C8orf89: variants seen among roughly 807,000 people sequenced by gnomAD.
The protein encoded by C8orf89 is putative uncharacterized protein C8orf89.
A neutral mutation model predicts 15.8 loss-of-function variants in C8orf89; 14 were observed. The observed-to-expected ratio is 0.89, with a 90% CI of 0.59 to 1.39. The LOEUF is 1.39. Ranked by LOEUF, C8orf89 falls within the 40% of genes most tolerant of loss-of-function variation. The pLI is 0.00. For synonymous variants in C8orf89, 55 were observed against 62.2 expected (o/e 0.88, Z 0.54); for missense variants, 181 against 184.5 (o/e 0.98, Z 0.11).
At chr8:73,279,333 T>A in the C8orf89 span, among the ~76,000 whole-genome samples, 2 of 152,198 alleles carry the variant, frequency 1.3e-5, no homozygotes, top group Admixed American at 1.3e-4. Flanking sequence ...TGGCCCTGGG[T>A]GTCAGAGGTA....
the C8orf89 span, among the ~76,000 whole-genome samples, chr8:73,280,604 C>T: frequency 2.6e-4 from 40 of 152,046 alleles, no homozygotes; most frequent in Non-Finnish European, 4.7e-4. Context: ...GAACTCCTGA[C>T]CTCAGGTAAT....
At chr8:73,263,987 C>G (rs760290472), upstream of C8orf89, among the ~76,000 whole-genome samples, 7 of 152,044 alleles carry the variant, frequency 4.6e-5, no homozygotes, top group Admixed American at 1.3e-4. Context: ...TGTTTAAAGA[C>G]ATCTTATTTA....
the C8orf89 span, among the ~76,000 whole-genome samples, chr8:73,276,897 C>T: frequency 6.8e-6 from 1 of 146,848 alleles, no homozygotes; most frequent in East Asian, 2.1e-4. Context: ...ACCTCCACCT[C>T]CCAGGTTCAA....
the C8orf89 span, among the ~76,000 whole-genome samples, chr8:73,282,325 T>C: frequency 6.6e-6 from 1 of 152,186 alleles, no homozygotes; most frequent in Non-Finnish European, 1.5e-5. Flanking sequence ...TTAGGAGATA[T>C]ATAAAGTAGT....
chr8:73,243,366 C>A (rs1230242753), intron 3 of C8orf89, among the ~76,000 whole-genome samples: 1 of 152,106 alleles, frequency 6.6e-6, no homozygotes, highest in Non-Finnish European at 1.5e-5. Flanking sequence ...ATACTCCATT[C>A]ACGTGAATGT....
At chr8:73,248,623 T>G (rs995663021) in intron 3 of C8orf89, among the ~76,000 whole-genome samples, 1 of 152,190 alleles carries the variant, frequency 6.6e-6, no homozygotes. Flanking sequence ...ATTTGAGCAG[T>G]GTTTTGTAGT....
the C8orf89 span, among the ~76,000 whole-genome samples, chr8:73,264,721 C>T: frequency 7.2e-5 from 11 of 152,244 alleles, no homozygotes; most frequent in Admixed American, 5.9e-4. Flanking sequence ...AAACTCCTGA[C>T]CTCAAGTGAT....
the C8orf89 span, among the ~76,000 whole-genome samples, chr8:73,270,012 T>C: frequency 2.0e-5 from 3 of 152,232 alleles, no homozygotes; most frequent in East Asian, 1.9e-4. Flanking sequence ...AGTATGTTAA[T>C]GGGGAAAGTT....
chr8:73,243,849 T>C (rs1444286736), intron 3 of C8orf89, among the ~76,000 whole-genome samples: 1 of 152,142 alleles, frequency 6.6e-6, no homozygotes, highest in Non-Finnish European at 1.5e-5. Flanking sequence ...CTTTATAAAA[T>C]GACTATGTGC....
the C8orf89 span, among the ~76,000 whole-genome samples, chr8:73,272,503 G>A: frequency 6.6e-6 from 1 of 151,734 alleles, no homozygotes; most frequent in Non-Finnish European, 1.5e-5. Context: ...TGTGCACAAC[G>A]TGCAGGTTTA....
At chr8:73,282,324 A>G in the C8orf89 span, among the ~76,000 whole-genome samples, 71 of 152,372 alleles carry the variant, frequency 4.7e-4, no homozygotes, top group African/African-American at 1.7e-3. Context: ...CTTAGGAGAT[A>G]TATAAAGTAG....
At chr8:73,272,296 C>G in the C8orf89 span, among the ~76,000 whole-genome samples, 4 of 152,046 alleles carry the variant, frequency 2.6e-5, no homozygotes, top group Non-Finnish European at 5.9e-5. Flanking sequence ...GAAAATTGTC[C>G]ATTTCTATGC....
At chr8:73,267,934 C>G in the C8orf89 span, among the ~76,000 whole-genome samples, 1 of 152,154 alleles carries the variant, frequency 6.6e-6, no homozygotes, top group African/African-American at 2.4e-5. Context: ...CAGAACACCA[C>G]CATCTATATA....
At chr8:73,264,241 A>G (rs1380719076), upstream of C8orf89, among the ~76,000 whole-genome samples, 1 of 152,220 alleles carries the variant, frequency 6.6e-6, no homozygotes, top group Non-Finnish European at 1.5e-5. Context: ...AGCTAAAACG[A>G]GAAGGCAGAG....
At chr8:73,261,357 G>C (rs996907547), upstream of C8orf89, among the ~76,000 whole-genome samples, 14 of 152,216 alleles carry the variant, frequency 9.2e-5, no homozygotes, top group Non-Finnish European at 2.1e-4. Context: ...CACCAGCAGG[G>C]AGGGAAGGGG....
At chr8:73,246,532 C>A (rs1035822254) in intron 3 of C8orf89, among the ~76,000 whole-genome samples, 2 of 152,204 alleles carry the variant, frequency 1.3e-5, no homozygotes, top group African/African-American at 4.8e-5. Flanking sequence ...GCGCACACCA[C>A]AATTCCCGGC....
At chr8:73,265,811 A>G in the C8orf89 span, among the ~76,000 whole-genome samples, 5 of 152,216 alleles carry the variant, frequency 3.3e-5, no homozygotes, top group South Asian at 4.1e-4. Flanking sequence ...CAACTGAAGT[A>G]TGTTTCCTTC....
In C8orf89 at chr8:73,241,383, C is replaced by T. The variant is rs1490698882; in HGVS notation, c.*74G>A. The stretch of plus-strand genomic sequence containing the variant: ...TTCCATTTTTATATAAATCATTTTG[C>T]ATCATATCATATAAAAAAAGAAAAT... On this transcript the variant is annotated 3_prime_UTR_variant, in exon 4 of 4. Transcript: ENST00000624510. The T allele has an allele frequency of 7.0e-6, 8 of 1,149,186 alleles. No homozygotes were observed. Among genetic ancestry groups the T allele is most frequent in the Non-Finnish European group, 7.9e-6 (7 of 884,600 alleles). The allele number at this position is 1,149,186 out of a possible 1,614,324, so 71.2% of individuals were successfully genotyped here. A position where few individuals can be genotyped will look rare whatever the true frequency, so the allele number is the denominator to read the frequency against.
the C8orf89 span, among the ~76,000 whole-genome samples, chr8:73,275,195 T>A: frequency 2.6e-5 from 4 of 152,172 alleles, no homozygotes; most frequent in African/African-American, 9.6e-5. Flanking sequence ...CCATAATTTT[T>A]GTTTACCCAC....
Sources: gnomAD v4.1 joint callset for allele counts (sites outside exome capture counted in the v4.1 genomes callset) on GRCh38, gnomAD v4.1.1 for gene constraint, MANE v1.5 for transcripts, NCBI Gene and HGNC (gene_info 2026-07-23, HGNC 2026-07-21) for gene names.